Variants in TASP1 observed in about 807,000 individuals in gnomAD.
The protein encoded by TASP1 is threonine aspartase 1.
TASP1 carries 16 observed loss-of-function variants against 56.6 expected under a neutral mutation model. The observed-to-expected ratio is 0.28, with a 90% CI of 0.19 to 0.43. The LOEUF is 0.43. Ranked by LOEUF, TASP1 falls within the 20% of genes least tolerant of loss-of-function variation. The pLI, the probability that TASP1 is intolerant of heterozygous loss-of-function variation, is 1.00. For synonymous variants in TASP1, 179 were observed against 184.2 expected (o/e 0.97, Z 0.23); for missense variants, 393 against 511.6 (o/e 0.77, Z 2.24).
chr20:13,610,584 A>G (rs1192802791), intron 4 of TASP1, among the ~76,000 whole-genome samples: 1 of 152,244 alleles, frequency 6.6e-6, no homozygotes, highest in Non-Finnish European at 1.5e-5. Flanking sequence ...AATTTTCAAA[A>G]TAAGATTGCA....
intron 8 of TASP1, among the ~76,000 whole-genome samples, chr20:13,553,689 C>T (rs1361602076): frequency 6.6e-6 from 1 of 152,104 alleles, no homozygotes; most frequent in East Asian, 1.9e-4. Context: ...TGCTTTTATT[C>T]AATTTATGTA....
intron 4 of TASP1, among the ~76,000 whole-genome samples, chr20:13,597,143 A>T (rs1188264467): frequency 6.6e-6 from 1 of 152,226 alleles, no homozygotes; most frequent in Non-Finnish European, 1.5e-5. Flanking sequence ...AACTATTCCA[A>T]TCAATAGAAA....
At position 13,569,560 on chromosome 20, in the gene TASP1, C is replaced by A. The variant is rs1291428380; in HGVS notation, c.515G>T (p.Arg172Ile). The A allele has an allele frequency of 1.2e-6, 2 of 1,612,404 alleles. No homozygotes were observed. The highest frequency in any genetic ancestry group is 1.7e-6 in the Non-Finnish European group (2 of 1,179,464). ...GGGTATTCCATGATCTACTGCCCAT[C>A]TGTAGGCTCCTTCTCCAACTAAAAA... The part of the protein sequence containing the change: ...PCFLVGEGAY[R>I]WAVDHGIPSC... The change falls in exon 7 of 14, where the codon AGA (arginine) becomes ATA (isoleucine). Residue 172 changes from arginine to isoleucine, a missense_variant. Arg to Ile is a moderately conservative substitution (Grantham distance 97). This residue lies in a region of TASP1 where 293 missense variants were observed against 354.2 expected (regional missense o/e 0.83). Coordinates refer to ENST00000337743, the MANE Select transcript of TASP1 (RefSeq NM_017714.3).
At chr20:13,621,692 C>A (rs1045000075) in intron 4 of TASP1, among the ~76,000 whole-genome samples, 2 of 151,996 alleles carry the variant, frequency 1.3e-5, no homozygotes, top group South Asian at 4.2e-4. Flanking sequence ...AATAAGTAAA[C>A]CCCTTAAAAG....
intron 6 of TASP1, among the ~76,000 whole-genome samples, chr20:13,580,240 A>T (rs2047072936): frequency 6.6e-6 from 1 of 152,202 alleles, no homozygotes; most frequent in Non-Finnish European, 1.5e-5. Context: ...TGAGTCCAGG[A>T]GTTTGAGATG....
At chr20:13,424,954 A>G (rs2042570386) in intron 12 of TASP1, among the ~76,000 whole-genome samples, 2 of 152,202 alleles carry the variant, frequency 1.3e-5, no homozygotes, top group Admixed American at 6.5e-5. Flanking sequence ...GAGAAAACGT[A>G]CACACCATTG....
chr20:13,441,418 A>T (rs906893125), intron 11 of TASP1, among the ~76,000 whole-genome samples: 1 of 152,152 alleles, frequency 6.6e-6, no homozygotes, highest in Admixed American at 6.6e-5. Context: ...CTATGAAGAA[A>T]ATGAACCAGG....
At chr20:13,191,131 C>T in the TASP1 span, among the ~76,000 whole-genome samples, 6 of 152,106 alleles carry the variant, frequency 3.9e-5, no homozygotes, top group African/African-American at 1.4e-4. Flanking sequence ...CTCTTATATA[C>T]TGTTAGCGGG....
chr20:13,387,985 G>A (rs1258625693), downstream of TASP1, among the ~76,000 whole-genome samples: 1 of 152,196 alleles, frequency 6.6e-6, no homozygotes, highest in East Asian at 1.9e-4. Context: ...CCCTGAAGAT[G>A]CCCCTGTTTC....
chr20:13,431,892 C>G (rs1188307908), intron 12 of TASP1, among the ~76,000 whole-genome samples: 1 of 152,154 alleles, frequency 6.6e-6, no homozygotes, highest in Non-Finnish European at 1.5e-5. Flanking sequence ...TCAGTGTGCC[C>G]CTATGGGACT....
the TASP1 span, chr20:13,164,236 A>C: frequency 4.8e-6 from 2 of 414,280 alleles, no homozygotes; most frequent in Non-Finnish European, 9.9e-6. Flanking sequence ...CTGTGAGTTA[A>C]GTTCTAGTAT....
At position 13,559,076 on chromosome 20, in the gene TASP1, G is replaced by C. The variant is rs1265922697; in HGVS notation, c.607C>G (p.Leu203Val). 1.9e-6 allele frequency: 3 copies of C among 1,586,022 alleles called. No homozygotes were observed. The South Asian group carries it at 3.5e-5, about 19-fold the overall frequency. Residue 203 changes from leucine (L) to valine (V), a missense_variant, in exon 8 of 14, where the codon CTA becomes GTA. By Grantham distance (32) the Leu-to-Val change is conservative. Around this residue, in one of 3 missense-constraint regions of TASP1, gnomAD observed 293 missense variants for 354.2 expected, o/e 0.83. Transcript: ENST00000337743. ...GTGTCCACCCTTTCTGCCAGCTCTA[G>C]TTTCCTCTTGTTTCTTTTAAATGCA... ...LAAFKRNKRKLELAERVDTDF... is the reference protein window; with the variant it reads ...LAAFKRNKRKVELAERVDTDF...
At chr20:13,239,435 G>C in the TASP1 span, 1 of 152,246 alleles carries the variant, frequency 6.6e-6, no homozygotes, top group African/African-American at 2.4e-5. Flanking sequence ...CCTGAGATCT[G>C]AGAAGGGTTT....
chr20:13,342,902 G>A, the TASP1 span, among the ~76,000 whole-genome samples: 1 of 152,174 alleles, frequency 6.6e-6, no homozygotes, highest in South Asian at 2.1e-4. Context: ...AACCCACTGT[G>A]GGCCAGGACA....
At chr20:13,345,916 T>TAAAA in the TASP1 span, among the ~76,000 whole-genome samples, 34 of 101,276 alleles carry the variant, frequency 3.4e-4, no homozygotes, top group Admixed American at 4.7e-4. Context: ...CTCAGTAGGT[T>TAAAA]AAAAAAAAAA....
intron 8 of TASP1, among the ~76,000 whole-genome samples, chr20:13,541,804 G>A (rs1043548306): frequency 2.0e-5 from 3 of 152,028 alleles, no homozygotes; most frequent in Non-Finnish European, 2.9e-5. Context: ...AAGCAGACAC[G>A]CAACAAGAAA....
intron 4 of TASP1, among the ~76,000 whole-genome samples, chr20:13,595,771 A>C (rs986716405): frequency 6.6e-6 from 1 of 152,192 alleles, no homozygotes; most frequent in African/African-American, 2.4e-5. Context: ...CCACACAATA[A>C]TAATGGGAGA....
At chr20:13,476,822 T>C (rs1279110757) in intron 11 of TASP1, among the ~76,000 whole-genome samples, 1 of 152,174 alleles carries the variant, frequency 6.6e-6, no homozygotes, top group Non-Finnish European at 1.5e-5. Context: ...ACCAGCTAAA[T>C]ATCACAGCAT....
At chr20:13,138,450 C>T in the TASP1 span, among the ~76,000 whole-genome samples, 2 of 152,246 alleles carry the variant, frequency 1.3e-5, no homozygotes, top group South Asian at 2.1e-4. Context: ...CAGTCCCTTG[C>T]GGTTTTTACT....
Sources: allele counts gnomAD v4.1 joint callset (sites outside exome capture counted in the v4.1 genomes callset), GRCh38; gene constraint gnomAD v4.1.1; regional missense constraint gnomAD v4.1.1; transcripts MANE v1.5; gene names NCBI Gene and HGNC (gene_info 2026-07-23, HGNC 2026-07-21).